POU6F1: variants seen among roughly 807,000 people sequenced by gnomAD.
The protein encoded by POU6F1 is POU class 6 homeobox 1.
In POU6F1, 9 loss-of-function variants were observed where a neutral mutation model predicts 28.9. The observed-to-expected ratio is 0.31, with a 90% CI of 0.19 to 0.54. POU6F1 has a LOEUF of 0.54. Among genes scored for constraint, POU6F1 ranks in the 20% least tolerant of loss-of-function variants. The probability of loss-of-function intolerance (pLI) is 0.94; values close to 1 mark genes in which losing one functional copy is unlikely to be tolerated. For synonymous variants in POU6F1, 173 were observed against 171.1 expected (o/e 1.01, Z -0.09); for missense variants, 338 against 426.1 (o/e 0.79, Z 1.82).
chr12:51,213,899 T>C (rs1181704738), intron 1 of POU6F1, among the ~76,000 whole-genome samples: 1 of 151,658 alleles, frequency 6.6e-6, no homozygotes, highest in East Asian at 2.0e-4. Context: ...TTCCAGCACT[T>C]TGGGAGGCCA....
chr12:51,209,495 T>C (rs1943846191), intron 1 of POU6F1, among the ~76,000 whole-genome samples: 1 of 152,266 alleles, frequency 6.6e-6, no homozygotes, highest in Admixed American at 6.5e-5. Flanking sequence ...TAGTATTCTA[T>C]TGTATGGATA....
Position 51,192,381 on chromosome 12 carries a change from G to A in POU6F1, c.1270C>T (p.Pro424Ser). The A allele has an allele frequency of 6.2e-7, 1 of 1,614,196 alleles. No individual in the cohort carries two copies. The highest frequency in any genetic ancestry group is 8.5e-7 in the Non-Finnish European group (1 of 1,180,042). Reference sequence around the variant, plus strand: ...GTCTCTGAGCAGGTAATTGGGATAGGAGCAGAGGCAGATGGCTTGGCGGCT... The same window carrying A: ...GTCTCTGAGCAGGTAATTGGGATAGAAGCAGAGGCAGATGGCTTGGCGGCT... ...APAAKPSASA[P>S]IPITCSETPT... Residue 424 changes from proline (P) to serine (S), a missense_variant, in exon 9 of 11, where the codon CCT becomes TCT. Transcript: ENST00000333640.
At chr12:51,209,385 A>C (rs1384667160) in intron 1 of POU6F1, among the ~76,000 whole-genome samples, 3 of 152,254 alleles carry the variant, frequency 2.0e-5, no homozygotes, top group African/African-American at 7.2e-5. Flanking sequence ...GAATGATAGA[A>C]TATGTCGCTT....
chr12:51,192,302 C>T, intron 9 of POU6F1, 28 bp downstream of exon 9: 1 of 1,611,810 alleles, frequency 6.2e-7, no homozygotes, highest in South Asian at 1.1e-5. Context: ...CCCCACTTCT[C>T]CACACTACTT....
At chr12:51,196,308 G>A in intron 7 of POU6F1, 135 bp from the exon 8 acceptor site, 1 of 714,328 alleles carries the variant, frequency 1.4e-6, no homozygotes, top group East Asian at 3.0e-5. Context: ...GCTTCTGCAT[G>A]AGTAAAATGC....
intron 4 of POU6F1, among the ~76,000 whole-genome samples, 156 bp from the exon 5 acceptor site, chr12:51,198,931 C>G (rs1943024290): frequency 6.6e-6 from 1 of 152,270 alleles, no homozygotes; most frequent in South Asian, 2.1e-4. Flanking sequence ...GAGCCAAACC[C>G]TAGCTGGAGG....
At chr12:51,203,360 G>A (rs1440000613) in intron 3 of POU6F1, among the ~76,000 whole-genome samples, 1 of 152,174 alleles carries the variant, frequency 6.6e-6, no homozygotes, top group East Asian at 1.9e-4. Flanking sequence ...TGGCAGAGAT[G>A]CAGGGTCCTT....
In POU6F1 at chr12:51,190,063, C is replaced by T. The variant is rs1193961723; in HGVS notation, c.*184G>A. ...CTCTCGTGTGGCCCCCTCTGGCCTC[C>T]CCATGATGTGAGATGTGTGGGAGAA... is the stretch of plus-strand genomic sequence containing the variant. On this transcript the variant is annotated 3_prime_UTR_variant, in exon 11 of 11. Transcript: ENST00000333640. The surrounding 1 kb of genome is among the most constrained non-coding windows in gnomAD (Gnocchi z 4.5). 1.7e-6 allele frequency: 2 copies of T among 1,171,544 alleles called. No homozygotes were observed. The highest frequency in any genetic ancestry group is 2.3e-6 in the Non-Finnish European group (2 of 860,322). The allele number at this position is 1,171,544 out of a possible 1,614,324, so 72.6% of individuals were successfully genotyped here.
At chr12:51,202,969 C>T (rs902240469) in intron 3 of POU6F1, among the ~76,000 whole-genome samples, 1 of 152,002 alleles carries the variant, frequency 6.6e-6, no homozygotes, top group Admixed American at 6.6e-5. Flanking sequence ...ACAGGAAACC[C>T]TTCTTAATAC....
At chr12:51,192,266 G>A in intron 9 of POU6F1, 64 bp downstream of exon 9, 1 of 1,574,136 alleles carries the variant, frequency 6.4e-7, no homozygotes, top group South Asian at 1.2e-5. Context: ...AGCATCTGAA[G>A]AGATTGGGTG....
At chr12:51,201,984 A>G (rs530741934) in intron 3 of POU6F1, 1 of 151,922 alleles carries the variant, frequency 6.6e-6, no homozygotes, top group South Asian at 2.1e-4. Flanking sequence ...ATCAGCCTCC[A>G]GAGTAGCTGG....
chr12:51,189,090 T>C lies in POU6F1; in HGVS notation c.*1157A>G, dbSNP rs1942231059. 1 of 152,186 alleles carries C rather than the reference T, an allele frequency of 6.6e-6. No individual in the cohort carries two copies. 9.4% of individuals were successfully genotyped at this position (152,186 alleles called of 1,614,324 possible). On this transcript the variant is annotated 3_prime_UTR_variant, in exon 11 of 11. Coordinates refer to ENST00000333640, the MANE Select transcript of POU6F1 (RefSeq NM_001330422.2). ...GGATTGCTTACACACAGACATGGTC[T>C]GAGACTCGACAAAATGAGATTTCTC...
chr12:51,204,256 G>A lies in POU6F1; in HGVS notation c.161C>T (p.Ser54Phe), dbSNP rs1258722090. Residue 54 changes from serine (S) to phenylalanine (F), a missense_variant, in exon 3 of 11, where the codon TCC becomes TTC. Physicochemically the swap from Ser to Phe is radical, Grantham distance 155. This residue lies in a region of POU6F1 where 206 missense variants were observed against 225.6 expected (regional missense o/e 0.91). Coordinates refer to ENST00000333640, the MANE Select transcript of POU6F1 (RefSeq NM_001330422.2). ...KGLEGVAAEG[S>F]QSGDPAEASQ... Reference sequence around the variant, plus strand: ...GGCTTCAGCAGGGTCTCCGCTCTGGGAGCCCTCGGCGGCCACACCCTCCAG... The same window carrying A: ...GGCTTCAGCAGGGTCTCCGCTCTGGAAGCCCTCGGCGGCCACACCCTCCAG... The A allele has an allele frequency of 1.0e-5, 4 of 399,122 alleles. No individual in the cohort carries two copies. Among genetic ancestry groups the A allele is most frequent in the Non-Finnish European group, 1.8e-5 (4 of 226,154 alleles). 24.7% of individuals were successfully genotyped at this position (399,122 alleles called of 1,614,324 possible).
rs1213954590 is a variant in POU6F1 at position 51,191,784 on chromosome 12, C to T, written c.1322-20G>A. On this transcript the variant is annotated intron_variant, in intron 9 of 10. Transcript: ENST00000333640. ...GTGGCTCTAGGCCAGAGGGAGGGAG[C>T]AGGGATGAGTGTGTAACATGGGAAC... The T allele has an allele frequency of 6.2e-7, 1 of 1,613,608 alleles. No homozygotes were observed.
intron 1 of POU6F1, among the ~76,000 whole-genome samples, chr12:51,213,812 G>C (rs1233148845): frequency 6.6e-6 from 1 of 151,812 alleles, no homozygotes; most frequent in Admixed American, 6.6e-5. Flanking sequence ...GATTACAGGC[G>C]TGAGCCACCA....
intron 2 of POU6F1, among the ~76,000 whole-genome samples, chr12:51,204,720 T>C (rs925342645): frequency 6.6e-6 from 1 of 152,176 alleles, no homozygotes; most frequent in Admixed American, 6.5e-5. Flanking sequence ...CTTGCAAGGA[T>C]GTCCTCTTGG....
intron 2 of POU6F1, among the ~76,000 whole-genome samples, chr12:51,206,007 C>T (rs1366489220): frequency 2.1e-4 from 31 of 149,266 alleles, no homozygotes; most frequent in East Asian, 8.1e-4. Flanking sequence ...TTTGTAGAGA[C>T]AGGGTTTCAC....
chr12:51,210,058 A>G (rs1943886351), intron 1 of POU6F1, among the ~76,000 whole-genome samples: 2 of 152,284 alleles, frequency 1.3e-5, no homozygotes, highest in South Asian at 2.1e-4. Flanking sequence ...CCCAGCCTCA[A>G]GTGATCCTTC....
At chr12:51,213,702 T>G (rs1944146912) in intron 1 of POU6F1, among the ~76,000 whole-genome samples, 1 of 151,840 alleles carries the variant, frequency 6.6e-6, no homozygotes, top group South Asian at 2.1e-4. Context: ...CTCAGCTAAT[T>G]TTTGTATTTT....
Sources: gnomAD v4.1 joint callset for allele counts (sites outside exome capture counted in the v4.1 genomes callset) on GRCh38, gnomAD v4.1.1 for gene constraint, gnomAD v4.1.1 regional missense constraint, Gnocchi (gnomAD v3.1) non-coding constraint, MANE v1.5 for transcripts, NCBI Gene and HGNC (gene_info 2026-07-23, HGNC 2026-07-21) for gene names.